Variants in PRMT8 observed in about 807,000 individuals in gnomAD.
PRMT8 encodes the protein protein arginine N-methyltransferase 8.
In PRMT8, 7 loss-of-function variants were observed where a neutral mutation model predicts 47.1. The observed-to-expected ratio is 0.15, with a 90% CI of 0.08 to 0.28. The LOEUF is 0.28. PRMT8 is among the 10% of genes least tolerant of loss of function. The pLI is 1.00. For missense variants in PRMT8, 237 were observed against 505.4 expected, an observed-to-expected ratio of 0.47 and a Z score of 5.09; for synonymous variants, 188 against 186.5, an observed-to-expected ratio of 1.01 and a Z score of -0.07.
At chr12:3,419,636 C>T (rs966285572) in intron 1 of PRMT8, among the ~76,000 whole-genome samples, 1 of 152,158 alleles carries the variant, frequency 6.6e-6, no homozygotes, top group African/African-American at 2.4e-5. Context: ...CCCGCTACCA[C>T]TCTCTGTCTA....
chr12:3,449,200 G>A (rs565693850), intron 1 of PRMT8, among the ~76,000 whole-genome samples: 9 of 152,260 alleles, frequency 5.9e-5, no homozygotes, highest in African/African-American at 1.9e-4. Flanking sequence ...GTGAATATAC[G>A]TGTGCATGTA....
chr12:3,415,030 C>G (rs1163811314), intron 1 of PRMT8, among the ~76,000 whole-genome samples: 2 of 152,090 alleles, frequency 1.3e-5, no homozygotes, highest in Non-Finnish European at 2.9e-5. Context: ...ATTTCCAATG[C>G]CAAACCCAAG....
intron 1 of PRMT8, among the ~76,000 whole-genome samples, chr12:3,443,922 T>C (rs1864830389): frequency 6.6e-6 from 1 of 152,218 alleles, no homozygotes; most frequent in African/African-American, 2.4e-5. Flanking sequence ...CTGTAATCCA[T>C]GCCCCTCAAA....
intron 1 of PRMT8, chr12:3,469,147 G>A: frequency 2.0e-6 from 1 of 497,896 alleles, no homozygotes; most frequent in Admixed American, 2.0e-5. Context: ...TGCTTCCCAA[G>A]CTGTAAGTGA....
chr12:3,565,121 G>A (rs1457147686), intron 4 of PRMT8, among the ~76,000 whole-genome samples: 4 of 152,190 alleles, frequency 2.6e-5, no homozygotes, highest in African/African-American at 9.7e-5. Flanking sequence ...GGAACTTGGA[G>A]GCACCATCTT....
At chr12:3,562,666 T>A (rs1565442739) in intron 4 of PRMT8, among the ~76,000 whole-genome samples, 1 of 152,196 alleles carries the variant, frequency 6.6e-6, no homozygotes, top group African/African-American at 2.4e-5. Flanking sequence ...ATCATCTGTG[T>A]CGTTAGCTTG....
intron 4 of PRMT8, among the ~76,000 whole-genome samples, chr12:3,559,001 TC>T (rs140717353): frequency 5.4e-5 from 7 of 129,598 alleles, no homozygotes; most frequent in African/African-American, 2.2e-4. Flanking sequence ...TGTCTATCTA[TC>T]CTGTCTATCT....
At chr12:3,482,232 G>A (rs961391465) in intron 1 of PRMT8, among the ~76,000 whole-genome samples, 13 of 152,108 alleles carry the variant, frequency 8.5e-5, no homozygotes, top group African/African-American at 2.7e-4. Context: ...ACAATAGATT[G>A]GTTTTAAAAA....
upstream of PRMT8, chr12:3,491,082 C>A: frequency 4.9e-6 from 4 of 816,354 alleles, no homozygotes; most frequent in Non-Finnish European, 5.9e-6. Flanking sequence ...GGGGAGGGGG[C>A]GGGCCCGGGG....
chr12:3,528,587 T>A (rs2137150278), intron 1 of PRMT8, among the ~76,000 whole-genome samples: 1 of 152,324 alleles, frequency 6.6e-6, no homozygotes, highest in Admixed American at 6.5e-5. Flanking sequence ...GTTTAATAAG[T>A]ACTTTAATGT....
At chr12:3,495,653 T>C (rs1248408964) in intron 1 of PRMT8, among the ~76,000 whole-genome samples, 1 of 152,226 alleles carries the variant, frequency 6.6e-6, no homozygotes, top group Non-Finnish European at 1.5e-5. Context: ...ATATGTCTAT[T>C]AGATAATGCA....
chr12:3,465,198 ATATATTTTT>A (rs1865083926), intron 1 of PRMT8, among the ~76,000 whole-genome samples: 3 of 143,972 alleles, frequency 2.1e-5, no homozygotes, highest in East Asian at 2.0e-4. Context: ...ATAAATATAA[ATATATTTTT>A]ATATATATTT....
intron 1 of PRMT8, among the ~76,000 whole-genome samples, chr12:3,383,709 T>C (rs1864113220): frequency 6.6e-6 from 1 of 152,244 alleles, no homozygotes; most frequent in Admixed American, 6.5e-5. Flanking sequence ...ACTTTTGTTG[T>C]TTTAAACTTC....
chr12:3,528,359 C>T (rs1865976716), intron 1 of PRMT8, among the ~76,000 whole-genome samples: 1 of 152,062 alleles, frequency 6.6e-6, no homozygotes, highest in Non-Finnish European at 1.5e-5. Flanking sequence ...ATTTTTTTCT[C>T]TGTGGGTTTT....
rs551447049 is a variant in PRMT8, at chr12:3,471,798, G to A, written c.49-68808G>A. Among the ~76,000 whole-genome samples the A allele has an allele frequency of 5.3e-5, 8 of 152,150 alleles. No individual in the cohort carries two copies. The East Asian group carries it at 1.6e-3, about 30-fold the overall frequency. On this transcript the variant is annotated intron_variant, in intron 1 of 9. Transcript: ENST00000452611. The stretch of plus-strand genomic sequence containing the variant: ...TGCTGGGCCACCAAGACACAACTGG[G>A]CTGGAGGCAGGCGCCCGTCCCTGGT...
At chr12:3,579,347 G>A (rs922027719) in intron 7 of PRMT8, among the ~76,000 whole-genome samples, 1 of 152,086 alleles carries the variant, frequency 6.6e-6, no homozygotes, top group African/African-American at 2.4e-5. Context: ...TGCACTGCCG[G>A]ACACGTCAGC....
chr12:3,586,664 G>A (rs1057194977), intron 8 of PRMT8, among the ~76,000 whole-genome samples: 2 of 152,126 alleles, frequency 1.3e-5, no homozygotes, highest in Admixed American at 6.5e-5. Context: ...GGGGCCAGCC[G>A]TCTGTGTCTT....
At chr12:3,457,471 C>T (rs1864987131) in intron 1 of PRMT8, among the ~76,000 whole-genome samples, 1 of 151,916 alleles carries the variant, frequency 6.6e-6, no homozygotes, top group Non-Finnish European at 1.5e-5. Context: ...CCACCACATC[C>T]AGCTAATTTT....
chr12:3,583,328 C>A lies in PRMT8; in HGVS notation c.979+120C>A. The stretch of plus-strand genomic sequence containing the variant: ...GGGGCTGGGTGTTAGCTGGGTGACA[C>A]CTATCAACCCTCTCCAGCCATGGAG... On this transcript the variant is annotated intron_variant, in intron 8 of 9. Coordinates refer to ENST00000382622, the MANE Select transcript of PRMT8 (RefSeq NM_019854.5). The surrounding 1 kb of genome is among the most constrained non-coding windows in gnomAD (Gnocchi z 4.7). The A allele has an allele frequency of 9.2e-7, 1 of 1,090,666 alleles. No individual in the cohort carries two copies. Among genetic ancestry groups the A allele is most frequent in the Non-Finnish European group, 1.3e-6 (1 of 773,536 alleles). 67.6% of individuals were successfully genotyped at this position (1,090,666 alleles called of 1,614,324 possible). A position where few individuals can be genotyped will look rare whatever the true frequency, so the allele number is the denominator to read the frequency against.
Sources: allele counts gnomAD v4.1 joint callset (sites outside exome capture counted in the v4.1 genomes callset), GRCh38; gene constraint gnomAD v4.1.1; non-coding constraint Gnocchi (gnomAD v3.1); transcripts MANE v1.5; gene names NCBI Gene and HGNC (gene_info 2026-07-23, HGNC 2026-07-21).